The following BABAM2 variants were observed in gnomAD, a reference collection of about 807,000 sequenced individuals.
The protein encoded by BABAM2 is BRISC and BRCA1-A complex member 2.
A neutral mutation model predicts 54.7 loss-of-function variants in BABAM2; 31 were observed. That is an observed-to-expected ratio of 0.57 (90% CI 0.43 to 0.77). BABAM2 has a LOEUF of 0.77. BABAM2 is among the 30% of genes least tolerant of loss of function. The pLI is 0.00. For synonymous variants in BABAM2, 167 were observed against 162.9 expected (o/e 1.03, Z -0.19); for missense variants, 364 against 455.8 (o/e 0.80, Z 1.83).
At chr2:28,209,410 A>G (rs1679217775) in intron 7 of BABAM2, among the ~76,000 whole-genome samples, 1 of 152,108 alleles carries the variant, frequency 6.6e-6, no homozygotes, top group Admixed American at 6.5e-5. Flanking sequence ...GATAATAGAG[A>G]CTTTGGACTT....
chr2:28,212,946 C>T (rs1679607485), intron 7 of BABAM2, among the ~76,000 whole-genome samples: 1 of 152,146 alleles, frequency 6.6e-6, no homozygotes, highest in Non-Finnish European at 1.5e-5. Flanking sequence ...TGGCTGGGTA[C>T]AGTGGCTCAC....
At chr2:27,923,458 G>T (rs1185693251) in intron 2 of BABAM2, among the ~76,000 whole-genome samples, 1 of 145,526 alleles carries the variant, frequency 6.9e-6, no homozygotes, top group African/African-American at 2.5e-5. Flanking sequence ...GTCTCAAAAA[G>T]AAAAAAAAAA....
intron 6 of BABAM2, among the ~76,000 whole-genome samples, chr2:28,089,038 G>GT (rs112811187): frequency 0.012 from 1,768 of 151,108 alleles, 28 homozygotes; most frequent in African/African-American, 0.042. Context: ...GTGCATTTAG[G>GT]GTTTTTTTTT....
chr2:28,310,037 T>C, intron 11 of BABAM2: 1 of 1,587,330 alleles, frequency 6.3e-7, no homozygotes, highest in Non-Finnish European at 8.7e-7. Context: ...CCTTGAACCC[T>C]TTTGAAAAGT....
At chr2:28,074,471 A>G (rs1558311760) in intron 6 of BABAM2, among the ~76,000 whole-genome samples, 1 of 152,194 alleles carries the variant, frequency 6.6e-6, no homozygotes. Context: ...TTCAACAGAT[A>G]CAGAGTGCCT....
chr2:28,305,133 T>C (rs1382497867), intron 11 of BABAM2, among the ~76,000 whole-genome samples: 1 of 152,228 alleles, frequency 6.6e-6, no homozygotes, highest in Admixed American at 6.5e-5. Flanking sequence ...AATCTAGCTG[T>C]ATGTTTCTCT....
intron 8 of BABAM2, among the ~76,000 whole-genome samples, chr2:28,240,070 C>T (rs1305251734): frequency 6.6e-6 from 1 of 151,254 alleles, no homozygotes; most frequent in South Asian, 2.1e-4. Context: ...AGAATTGAGA[C>T]GTTCTACAAG....
intron 5 of BABAM2, among the ~76,000 whole-genome samples, chr2:28,026,182 C>G (rs780361955): frequency 9.9e-5 from 15 of 152,106 alleles, no homozygotes; most frequent in Non-Finnish European, 1.5e-4. Flanking sequence ...GGTGATTCCT[C>G]AAGAATCTAG....
At chr2:28,114,059 A>G (rs1006856346) in intron 6 of BABAM2, among the ~76,000 whole-genome samples, 6 of 152,242 alleles carry the variant, frequency 3.9e-5, no homozygotes, top group African/African-American at 1.2e-4. Context: ...ACACAAAGCC[A>G]ATATCACACT....
chr2:28,011,404 G>T (rs902317703), intron 4 of BABAM2, among the ~76,000 whole-genome samples: 1 of 152,024 alleles, frequency 6.6e-6, no homozygotes, highest in African/African-American at 2.4e-5. Context: ...GAAGAGCCTG[G>T]GGTAGTCTCG....
chr2:28,075,646 C>T (rs1469289703), intron 6 of BABAM2, among the ~76,000 whole-genome samples: 1 of 151,748 alleles, frequency 6.6e-6, no homozygotes, highest in Non-Finnish European at 1.5e-5. Context: ...GTATAAATCT[C>T]ATGTTTCACA....
chr2:28,053,590 G>T (rs1573482169), intron 6 of BABAM2, among the ~76,000 whole-genome samples: 1 of 152,268 alleles, frequency 6.6e-6, no homozygotes, highest in East Asian at 1.9e-4. Flanking sequence ...CAGTGAGATG[G>T]TCTGAACACT....
chr2:27,926,905 T>C (rs1467006832), intron 2 of BABAM2, among the ~76,000 whole-genome samples: 10 of 152,306 alleles, frequency 6.6e-5, no homozygotes, highest in Middle Eastern at 3.4e-3. Context: ...GTAATTAGCA[T>C]ATCCTCATCT....
At position 28,338,468 on chromosome 2, in the gene BABAM2, T is replaced by TG; in HGVS notation, c.1108dup (p.Val370GlyfsTer95). On this transcript the variant is annotated frameshift_variant, in exon 12 of 12. Transcript: ENST00000379624. LOFTEE classifies it high-confidence loss of function. ...CCACCAGGGCTTATTTCAAAACCTT[T>TG]GTCCCTCAGTTCCAGGAGGCAGCAT... The TG allele has an allele frequency of 6.2e-7, 1 of 1,614,188 alleles. No homozygotes were observed. Among genetic ancestry groups the TG allele is most frequent in the Non-Finnish European group, 8.5e-7 (1 of 1,180,004 alleles).
intron 3 of BABAM2, among the ~76,000 whole-genome samples, chr2:27,979,062 CTG>C (rs1283626183): frequency 7.3e-6 from 1 of 137,336 alleles, no homozygotes; most frequent in East Asian, 2.1e-4. Context: ...GAGTCTTACT[CTG>C]TTGCCCAGGC....
rs1184102362 is a variant in BABAM2 at position 28,304,482 on chromosome 2, G to C, written c.1088+5991G>C. 6.6e-6 allele frequency among the ~76,000 whole-genome samples: 1 copy of C among 151,542 alleles called. No individual in the cohort carries two copies. The highest frequency in any genetic ancestry group is 1.5e-5 in the Non-Finnish European group (1 of 67,892). On this transcript the variant is annotated intron_variant, in intron 11 of 11. Coordinates refer to ENST00000379624, the MANE Select transcript of BABAM2 (RefSeq NM_199191.3). This position sits in a 1 kb window ranked among gnomAD's most constrained non-coding sequence, Gnocchi z 4.0. ...GTTGCTGGTATACAGGAATACAAAT[G>C]ATTTTTCTATACTGACATGGCATCC...
At chr2:28,051,450 T>C (rs1472232533) in intron 6 of BABAM2, among the ~76,000 whole-genome samples, 2 of 152,192 alleles carry the variant, frequency 1.3e-5, no homozygotes, top group East Asian at 3.8e-4. Flanking sequence ...ATATCTTATT[T>C]TGATTATTGG....
intron 2 of BABAM2, among the ~76,000 whole-genome samples, chr2:27,906,831 G>T (rs1666219225): frequency 6.6e-6 from 1 of 152,108 alleles, no homozygotes; most frequent in Admixed American, 6.5e-5. Flanking sequence ...CACTTCCACT[G>T]TTGTCTTTTG....
chr2:27,918,462 G>A (rs1269766110), intron 2 of BABAM2, among the ~76,000 whole-genome samples: 1 of 152,098 alleles, frequency 6.6e-6, no homozygotes, highest in Non-Finnish European at 1.5e-5. Context: ...GTGTGTGTGT[G>A]TGTGTATATG....
Sources: gnomAD v4.1 joint callset for allele counts (sites outside exome capture counted in the v4.1 genomes callset) on GRCh38, gnomAD v4.1.1 for gene constraint, Gnocchi (gnomAD v3.1) non-coding constraint, MANE v1.5 for transcripts, NCBI Gene and HGNC (gene_info 2026-07-23, HGNC 2026-07-21) for gene names.